Variants in ZCWPW2 observed in about 807,000 individuals in gnomAD.
The protein encoded by ZCWPW2 is zinc finger CW-type and PWWP domain containing 2.
ZCWPW2 carries 45 observed loss-of-function variants against 46.6 expected under a neutral mutation model. The observed-to-expected ratio is 0.96, with a 90% CI of 0.76 to 1.24. The LOEUF (loss-of-function observed/expected upper bound fraction) is 1.24, where lower values mean the gene tolerates loss of function less well. Among genes scored for constraint, ZCWPW2 ranks in the 50% most tolerant of loss-of-function variants. The pLI is 0.00. For synonymous variants in ZCWPW2, 152 were observed against 137.1 expected (o/e 1.11, Z -0.76); for missense variants, 429 against 403.9 (o/e 1.06, Z -0.53).
chr3:28,483,264 C>T (rs1699491273), intron 5 of ZCWPW2, among the ~76,000 whole-genome samples: 1 of 152,114 alleles, frequency 6.6e-6, no homozygotes, highest in South Asian at 2.1e-4. Flanking sequence ...ATTGTATCAC[C>T]TTTGCTCCTT....
chr3:28,489,143 A>G (rs555564537), intron 5 of ZCWPW2, among the ~76,000 whole-genome samples: 1 of 152,236 alleles, frequency 6.6e-6, no homozygotes, highest in East Asian at 1.9e-4. Flanking sequence ...CATAAGAATG[A>G]GGTATATTTT....
At chr3:28,511,432 A>G (rs899228389) in intron 6 of ZCWPW2, among the ~76,000 whole-genome samples, 5 of 152,230 alleles carry the variant, frequency 3.3e-5, no homozygotes, top group African/African-American at 9.6e-5. Context: ...TGTGCTGAAT[A>G]GACAGGCATT....
At chr3:28,374,658 C>T (rs144898950) in intron 1 of ZCWPW2, among the ~76,000 whole-genome samples, 7 of 152,022 alleles carry the variant, frequency 4.6e-5, no homozygotes, top group Non-Finnish European at 7.4e-5. Context: ...TGTTCTCTTC[C>T]TCAACTGGTT....
intron 4 of ZCWPW2, among the ~76,000 whole-genome samples, chr3:28,450,617 A>G (rs1168230885): frequency 6.6e-6 from 1 of 152,160 alleles, no homozygotes; most frequent in Non-Finnish European, 1.5e-5. Context: ...CTCTGATGCT[A>G]TGATGCTCCT....
chr3:28,362,479 C>T (rs1704976581), intron 1 of ZCWPW2, among the ~76,000 whole-genome samples: 1 of 152,132 alleles, frequency 6.6e-6, no homozygotes, highest in South Asian at 2.1e-4. Flanking sequence ...TGACAAAATG[C>T]TCAATATCAT....
rs147313963 is a variant in ZCWPW2 at position 28,353,192 on chromosome 3, A to C, written c.-134+3989A>C. Among the ~76,000 whole-genome samples the C allele has an allele frequency of 6.7e-4, 102 of 152,308 alleles. 1 individual carries two copies. In the East Asian group the frequency reaches 0.018, roughly 26 times the overall value. On this transcript the variant is annotated intron_variant, in intron 1 of 9. Transcript: ENST00000383768. ...GACCAAGACTCCGTCTCAAAAAAAA[A>C]AAAATCCTTTATATATTTTATGATA...
chr3:28,467,856 G>T (rs2125793863), intron 4 of ZCWPW2, among the ~76,000 whole-genome samples: 1 of 152,228 alleles, frequency 6.6e-6, no homozygotes, highest in East Asian at 1.9e-4. Flanking sequence ...AACAGCAGGT[G>T]CAAACAAACC....
intron 5 of ZCWPW2, among the ~76,000 whole-genome samples, chr3:28,489,990 C>G (rs143531575): frequency 0.011 from 1,640 of 151,886 alleles, 29 homozygotes; most frequent in African/African-American, 0.038. Flanking sequence ...AAAATAACCC[C>G]ATTAAAAAGT....
chr3:28,423,726 C>A (rs924841105), intron 3 of ZCWPW2, among the ~76,000 whole-genome samples: 1 of 152,022 alleles, frequency 6.6e-6, no homozygotes, highest in African/African-American at 2.4e-5. Context: ...CCACACTTTT[C>A]CAACACTTGC....
At chr3:28,518,634 G>C (rs980137816) in intron 8 of ZCWPW2, among the ~76,000 whole-genome samples, 1 of 152,086 alleles carries the variant, frequency 6.6e-6, no homozygotes, top group Non-Finnish European at 1.5e-5. Context: ...AAAACAGAGA[G>C]CCTACAATGC....
At chr3:28,362,726 G>A (rs1459371941) in intron 1 of ZCWPW2, among the ~76,000 whole-genome samples, 1 of 151,974 alleles carries the variant, frequency 6.6e-6, no homozygotes, top group African/African-American at 2.4e-5. Context: ...TTTCATACCC[G>A]AAGAAATATA....
chr3:28,497,557 A>G (rs1700025173), intron 6 of ZCWPW2, among the ~76,000 whole-genome samples: 1 of 152,104 alleles, frequency 6.6e-6, no homozygotes, highest in African/African-American at 2.4e-5. Flanking sequence ...TAGATCCCAA[A>G]GAAGAATTGA....
intron 2 of ZCWPW2, among the ~76,000 whole-genome samples, chr3:28,400,789 C>T (rs538361700): frequency 2.0e-5 from 3 of 152,158 alleles, no homozygotes; most frequent in African/African-American, 4.8e-5. Flanking sequence ...TGCTAAAAAA[C>T]GCTCTAAATC....
intron 1 of ZCWPW2, among the ~76,000 whole-genome samples, chr3:28,355,510 A>G (rs1159627003): frequency 6.6e-6 from 1 of 152,268 alleles, no homozygotes; most frequent in East Asian, 1.9e-4. Context: ...TTTAAAGTTC[A>G]TATGGAACCA....
At chr3:28,457,951 G>T (rs1445026674) in intron 4 of ZCWPW2, among the ~76,000 whole-genome samples, 3 of 152,094 alleles carry the variant, frequency 2.0e-5, no homozygotes, top group African/African-American at 7.2e-5. Flanking sequence ...TTTTAACTAT[G>T]ATTAATTGTC....
chr3:28,369,019 T>G (rs1192202184), intron 1 of ZCWPW2, among the ~76,000 whole-genome samples: 1 of 152,202 alleles, frequency 6.6e-6, no homozygotes, highest in Non-Finnish European at 1.5e-5. Context: ...TCAGGTCCTT[T>G]AAGGACTTCT....
At chr3:28,506,809 C>T (rs914840860) in intron 6 of ZCWPW2, among the ~76,000 whole-genome samples, 3 of 152,034 alleles carry the variant, frequency 2.0e-5, no homozygotes, top group Non-Finnish European at 2.9e-5. Flanking sequence ...TAAGTTCCCT[C>T]GGTCATATGC....
intron 1 of ZCWPW2, among the ~76,000 whole-genome samples, chr3:28,351,884 C>T (rs140400579): frequency 2.6e-4 from 39 of 152,074 alleles, no homozygotes; most frequent in African/African-American, 8.7e-4. Flanking sequence ...CAGTGTCATT[C>T]CATCGGTGTT....
intron 4 of ZCWPW2, among the ~76,000 whole-genome samples, chr3:28,460,252 CTT>C (rs75406240): frequency 2.8e-4 from 35 of 125,328 alleles, no homozygotes; most frequent in Middle Eastern, 4.4e-3. Flanking sequence ...CAGAGCTAGA[CTT>C]TTTTTTTTTT....
Sources: allele counts gnomAD v4.1 joint callset (sites outside exome capture counted in the v4.1 genomes callset), GRCh38; gene constraint gnomAD v4.1.1; transcripts MANE v1.5; gene names NCBI Gene and HGNC (gene_info 2026-07-23, HGNC 2026-07-21).